MAST2: variants seen among roughly 807,000 people sequenced by gnomAD.
MAST2 encodes the protein microtubule associated serine/threonine kinase 2.
In MAST2, 70 loss-of-function variants were observed where a neutral mutation model predicts 147.4. The observed-to-expected ratio is 0.47, with a 90% CI of 0.39 to 0.58. The LOEUF (loss-of-function observed/expected upper bound fraction) is 0.58, where lower values mean the gene tolerates loss of function less well. MAST2 is among the 20% of genes least tolerant of loss of function. The pLI is 0.00. For missense variants in MAST2, 2,080 were observed against 2,302.3 expected (o/e 0.90, Z 1.98); for synonymous variants, 869 against 896.8 (o/e 0.97, Z 0.55).
chr1:45,911,853 ATATTATTATTATTATTAT>A (rs10595888), intron 4 of MAST2, among the ~76,000 whole-genome samples: 132 of 135,786 alleles, frequency 9.7e-4, no homozygotes, highest in Admixed American at 2.1e-3. Flanking sequence ...TATTATTGTT[ATATTATTATTATTATTAT>A]TATTATTATT....
In MAST2 at chr1:46,005,316, C is replaced by T. The variant is rs553608626; in HGVS notation, c.748-925C>T. ...GGCGGAGGTTGCAGTGAGCCAAGATCGTGCCATTGCACTCCAGCCTGGGCA... is the reference window on the plus strand; with the variant it reads ...GGCGGAGGTTGCAGTGAGCCAAGATTGTGCCATTGCACTCCAGCCTGGGCA... On this transcript the variant is annotated intron_variant, in intron 7 of 28. Transcript: ENST00000361297. Among the ~76,000 whole-genome samples, 13 of 150,854 alleles carry T rather than the reference C, an allele frequency of 8.6e-5. No individual in the cohort carries two copies. In the East Asian group the frequency reaches 1.2e-3, roughly 14 times the overall value.
intron 4 of MAST2, among the ~76,000 whole-genome samples, chr1:45,912,154 T>C (rs890880034): frequency 6.6e-6 from 1 of 152,050 alleles, no homozygotes; most frequent in Admixed American, 6.5e-5. Flanking sequence ...AAGAGGGTGC[T>C]GAGAGGGCTG....
rs1019548836 is a variant in MAST2 at position 45,909,345 on chromosome 1, T to C, written c.500+26950T>C. On this transcript the variant is annotated intron_variant, in intron 4 of 28. Coordinates refer to ENST00000361297, the MANE Select transcript of MAST2 (RefSeq NM_015112.3). The stretch of plus-strand genomic sequence containing the variant: ...TATCATTTTAAAAATCATTCTTATA[T>C]GTGCAGCCATTTTAACGTTACTTTT... 5.9e-5 allele frequency among the ~76,000 whole-genome samples: 9 copies of C among 152,314 alleles called. No individual in the cohort carries two copies. The East Asian group carries it at 1.7e-3, about 29-fold the overall frequency.
intron 4 of MAST2, among the ~76,000 whole-genome samples, chr1:45,950,732 C>T (rs529992679): frequency 6.6e-6 from 1 of 152,270 alleles, no homozygotes; most frequent in African/African-American, 2.4e-5. Flanking sequence ...AACCAACCAA[C>T]CAATCTCCCC....
chr1:45,995,141 A>G (rs948663305), intron 5 of MAST2, among the ~76,000 whole-genome samples: 5 of 151,988 alleles, frequency 3.3e-5, no homozygotes, highest in African/African-American at 1.2e-4. Context: ...CGCCTGGCCC[A>G]TATCTTCCAT....
At chr1:45,804,836 C>T (rs1644091244) in intron 1 of MAST2, among the ~76,000 whole-genome samples, 1 of 152,122 alleles carries the variant, frequency 6.6e-6, no homozygotes, top group Non-Finnish European at 1.5e-5. Flanking sequence ...GAGAAGCTGC[C>T]ACTAGTAGCG....
chr1:45,804,348 T>C (rs1033977672), intron 1 of MAST2, among the ~76,000 whole-genome samples: 4 of 152,118 alleles, frequency 2.6e-5, no homozygotes, highest in Non-Finnish European at 4.4e-5. Context: ...GAATGTGGGC[T>C]GAGTGTGTGA....
At chr1:45,999,948 A>G (rs1315278577) in intron 6 of MAST2, among the ~76,000 whole-genome samples, 1 of 152,210 alleles carries the variant, frequency 6.6e-6, no homozygotes, top group Non-Finnish European at 1.5e-5. Context: ...AGTGGGAGAG[A>G]AAGACAAACA....
chr1:45,921,078 C>A (rs926802311), intron 4 of MAST2, among the ~76,000 whole-genome samples: 5 of 152,226 alleles, frequency 3.3e-5, no homozygotes, highest in Admixed American at 6.5e-5. Flanking sequence ...TCACTGCAAG[C>A]TCCATCTCCC....
intron 4 of MAST2, among the ~76,000 whole-genome samples, chr1:45,949,432 A>G (rs1028667340): frequency 1.3e-5 from 2 of 152,260 alleles, no homozygotes. Context: ...TTTTCAAAAG[A>G]AGGCATACAT....
At chr1:45,872,413 G>C (rs1646431626) in intron 3 of MAST2, among the ~76,000 whole-genome samples, 1 of 151,556 alleles carries the variant, frequency 6.6e-6, no homozygotes, top group African/African-American at 2.4e-5. Context: ...TATGGCTTTA[G>C]TCATTGTGAA....
chr1:46,030,354 A>C (rs1646598227), intron 21 of MAST2, 116 bp downstream of exon 21: 9 of 1,043,474 alleles, frequency 8.6e-6, no homozygotes, highest in Non-Finnish European at 1.1e-5. Flanking sequence ...CCACCTCTAG[A>C]AAAAGAGGAG....
chr1:45,988,680 G>A, intron 5 of MAST2, among the ~76,000 whole-genome samples: 1 of 152,124 alleles, frequency 6.6e-6, no homozygotes, highest in East Asian at 1.9e-4. Flanking sequence ...ATATCAGTAT[G>A]AACTAATAGG....
intron 5 of MAST2, among the ~76,000 whole-genome samples, chr1:45,992,504 C>T (rs191981834): frequency 3.9e-5 from 6 of 152,122 alleles, no homozygotes; most frequent in Admixed American, 3.9e-4. Flanking sequence ...TTTTTTCTTA[C>T]AATATCTTTA....
chr1:45,925,305 G>A (rs1025406320), intron 4 of MAST2, among the ~76,000 whole-genome samples: 5 of 152,184 alleles, frequency 3.3e-5, no homozygotes, highest in Non-Finnish European at 5.9e-5. Context: ...ATAAACAAAC[G>A]TTGATGCTAG....
intron 4 of MAST2, among the ~76,000 whole-genome samples, chr1:45,927,809 A>G (rs538359155): frequency 1.1e-4 from 16 of 152,378 alleles, no homozygotes; most frequent in African/African-American, 3.1e-4. Context: ...TGGGGAAGTG[A>G]TAAGTGTCCA....
intron 4 of MAST2, among the ~76,000 whole-genome samples, chr1:45,948,526 T>A (rs1456001846): frequency 6.6e-6 from 1 of 151,504 alleles, no homozygotes; most frequent in Non-Finnish European, 1.5e-5. Flanking sequence ...GCTAATATGG[T>A]GAAACCCCAT....
chr1:45,836,859 C>T (rs759107116), intron 3 of MAST2, among the ~76,000 whole-genome samples: 4 of 152,084 alleles, frequency 2.6e-5, no homozygotes, highest in Admixed American at 6.6e-5. Flanking sequence ...GCACCAGGGA[C>T]GGGTTTCATG....
chr1:45,903,309 T>C (rs1650115309), intron 4 of MAST2, among the ~76,000 whole-genome samples: 3 of 151,924 alleles, frequency 2.0e-5, no homozygotes, highest in Non-Finnish European at 4.4e-5. Flanking sequence ...TTTGTATTTT[T>C]AGTAGAGACA....
Sources: allele counts gnomAD v4.1 joint callset (sites outside exome capture counted in the v4.1 genomes callset), GRCh38; gene constraint gnomAD v4.1.1; transcripts MANE v1.5; gene names NCBI Gene and HGNC (gene_info 2026-07-23, HGNC 2026-07-21).